The following LMAN2 variants were observed in gnomAD, a reference collection of about 807,000 sequenced individuals.
The protein encoded by LMAN2 is lectin, mannose binding 2.
LMAN2 carries 22 observed loss-of-function variants against 39.3 expected under a neutral mutation model. The ratio of observed to expected loss-of-function variants is 0.56; its 90% CI spans 0.40 to 0.80. LMAN2 has a LOEUF of 0.80. Among genes scored for constraint, LMAN2 ranks in the 30% least tolerant of loss-of-function variants. The pLI is 0.00. For missense variants in LMAN2, 494 were observed against 505.4 expected, an observed-to-expected ratio of 0.98 and a Z score of 0.22; for synonymous variants, 207 against 207.8, an observed-to-expected ratio of 1.00 and a Z score of 0.03.
At position 177,351,639 on chromosome 5, in the gene LMAN2, C is replaced by T. The variant is rs748397119; in HGVS notation, c.9G>A (p.Ala3=). The change falls in exon 1 of 8, where the codon GCG becomes GCA. Residue 3 remains alanine, a synonymous_variant. Coordinates refer to ENST00000303127, the MANE Select transcript of LMAN2 (RefSeq NM_006816.3). MA[A]EGWIWRWGWG... is the part of the protein sequence containing the mutation. ...AGCCCCAACGCCAAATCCAGCCTTC[C>T]GCCGCCATTCTCCTCTCCTCTCGGC... The T allele has an allele frequency of 6.3e-7, 1 of 1,591,258 alleles. No homozygotes were observed. The highest frequency in any genetic ancestry group is 8.5e-7 in the Non-Finnish European group (1 of 1,171,218).
intron 1 of LMAN2, 23 bp downstream of exon 1, chr5:177,351,429 C>A: frequency 1.9e-6 from 3 of 1,609,138 alleles, no homozygotes; most frequent in Non-Finnish European, 1.7e-6. Flanking sequence ...ACTCTTCACT[C>A]ATTCCCGCCC....
At chr5:177,333,601 G>A (rs892628199) in intron 7 of LMAN2, among the ~76,000 whole-genome samples, 2 of 152,238 alleles carry the variant, frequency 1.3e-5, no homozygotes, top group Non-Finnish European at 2.9e-5. Context: ...CCAGGGCTGG[G>A]CTACGACAGA....
intron 2 of LMAN2, among the ~76,000 whole-genome samples, chr5:177,342,258 C>T (rs183135094): frequency 8.5e-5 from 13 of 152,262 alleles, no homozygotes; most frequent in Admixed American, 7.2e-4. Context: ...GTAGTCCCAG[C>T]ACCTTGGGAG....
At chr5:177,347,484 T>C (rs2127319438) in intron 2 of LMAN2, among the ~76,000 whole-genome samples, 1 of 152,222 alleles carries the variant, frequency 6.6e-6, no homozygotes, top group Non-Finnish European at 1.5e-5. Context: ...CTCTGGAGGA[T>C]CTTAAGCAGG....
At chr5:177,339,238 C>A (rs1296711463) in intron 2 of LMAN2, among the ~76,000 whole-genome samples, 1 of 152,224 alleles carries the variant, frequency 6.6e-6, no homozygotes, top group Non-Finnish European at 1.5e-5. Flanking sequence ...TGGTCACCCA[C>A]ATCCACTGCC....
intron 7 of LMAN2, among the ~76,000 whole-genome samples, chr5:177,333,271 T>C (rs4976644): frequency 0.016 from 2,433 of 152,270 alleles, 72 homozygotes; most frequent in African/African-American, 0.055. Flanking sequence ...ATCTCGTGTC[T>C]CCAGCACCCA....
chr5:177,334,250 C>A, intron 7 of LMAN2, 34 bp downstream of exon 7: 1 of 1,592,484 alleles, frequency 6.3e-7, no homozygotes, highest in South Asian at 1.1e-5. Flanking sequence ...TCAGGCCGCC[C>A]AGGCCCAGGC....
rs375419472 is a variant in LMAN2, at chr5:177,332,289, C to T, written c.911-43G>A. ...GGGGAGCTGAAACGGCAGCACGGGC[C>T]GGGGATCAGGGGGCTGCAGGAGGGC... is the stretch of plus-strand genomic sequence containing the variant. On this transcript the variant is annotated intron_variant, in intron 7 of 7. Transcript: ENST00000303127. The surrounding 1 kb of genome is among the most constrained non-coding windows in gnomAD (Gnocchi z 6.3). 6.2e-5 allele frequency: 98 copies of T among 1,590,432 alleles called. No individual in the cohort carries two copies. The African/African-American group carries it at 1.1e-3, about 18-fold the overall frequency.
rs145658605 is a variant in LMAN2, at chr5:177,337,738, G to A, written c.481C>T (p.Leu161=). Residue 161 remains leucine, a synonymous_variant, in exon 4 of 8, where the codon CTG becomes TTG. Transcript: ENST00000303127. The surrounding 1 kb of genome is among the most constrained non-coding windows in gnomAD (Gnocchi z 8.2). ...KDNFHGLAIF[L]DTYPNDETTE... ...GTCTCATCATTGGGGTAGGTGTCCAGGAAGATGGCTAAGCCGTGGAAGTTA... is the reference window on the plus strand; with the variant it reads ...GTCTCATCATTGGGGTAGGTGTCCAAGAAGATGGCTAAGCCGTGGAAGTTA... The A allele has an allele frequency of 1.1e-4, 175 of 1,614,074 alleles. No individual in the cohort carries two copies. The African/African-American group carries it at 2.1e-3, about 19-fold the overall frequency.
intron 3 of LMAN2, among the ~76,000 whole-genome samples, chr5:177,338,281 G>C (rs1761504074): frequency 6.6e-6 from 1 of 152,198 alleles, no homozygotes; most frequent in Non-Finnish European, 1.5e-5. Flanking sequence ...GGACCCAGCT[G>C]CTCCTCTCCC....
chr5:177,343,043 A>G (rs528017855), intron 2 of LMAN2, among the ~76,000 whole-genome samples: 4 of 152,180 alleles, frequency 2.6e-5, no homozygotes, highest in African/African-American at 9.6e-5. Flanking sequence ...CACGAGGTCA[A>G]GAGATGGAGA....
At chr5:177,338,353 G>A (rs1761505287) in intron 3 of LMAN2, 135 bp downstream of exon 3, 1 of 687,642 alleles carries the variant, frequency 1.5e-6, no homozygotes, top group Non-Finnish European at 2.5e-6. Context: ...ATCCACGGGA[G>A]GCAGCACTTT....
At chr5:177,340,913 C>T (rs1761541901) in intron 2 of LMAN2, among the ~76,000 whole-genome samples, 1 of 151,596 alleles carries the variant, frequency 6.6e-6, no homozygotes, top group Admixed American at 6.6e-5. Flanking sequence ...CGCCACCACA[C>T]CCGGCTAATT....
Position 177,337,935 on chromosome 5 carries a change from G to A in LMAN2, c.434-150C>T. The A allele has an allele frequency of 2.9e-6, 2 of 679,980 alleles. No homozygotes were observed. The highest frequency in any genetic ancestry group is 5.1e-6 in the Non-Finnish European group (2 of 395,210). The allele number at this position is 679,980 out of a possible 1,614,324, so 42.1% of individuals were successfully genotyped here. On this transcript the variant is annotated intron_variant, in intron 3 of 7. Transcript: ENST00000303127. This position sits in a 1 kb window ranked among gnomAD's most constrained non-coding sequence, Gnocchi z 8.2. ...AGAGAAGGGATCGTGAAAGGAGAAAGCTGAGGCTTTCTCCTCAGAAGTGGG... is the reference window on the plus strand; with the variant it reads ...AGAGAAGGGATCGTGAAAGGAGAAAACTGAGGCTTTCTCCTCAGAAGTGGG...
chr5:177,336,073 C>G (rs1335353147), intron 6 of LMAN2, among the ~76,000 whole-genome samples: 2 of 152,184 alleles, frequency 1.3e-5, no homozygotes, highest in African/African-American at 4.8e-5. Context: ...AAATTAATTA[C>G]TCGGTAGACT....
At chr5:177,341,571 G>T (rs565391885) in intron 2 of LMAN2, among the ~76,000 whole-genome samples, 13 of 152,110 alleles carry the variant, frequency 8.5e-5, no homozygotes, top group African/African-American at 2.9e-4. Flanking sequence ...CAAGAATGAA[G>T]GTAAAATAAA....
intron 2 of LMAN2, among the ~76,000 whole-genome samples, chr5:177,347,741 A>G (rs1258330030): frequency 6.6e-6 from 1 of 152,184 alleles, no homozygotes; most frequent in East Asian, 1.9e-4. Flanking sequence ...AACATCATCA[A>G]AAATTTTGAT....
In LMAN2 at chr5:177,332,199, C is replaced by T. The variant is rs1477387249; in HGVS notation, c.958G>A (p.Gly320Arg). 6.2e-7 allele frequency: 1 copy of T among 1,613,358 alleles called. No individual in the cohort carries two copies. Among genetic ancestry groups the T allele is most frequent in the South Asian group, 1.1e-5 (1 of 91,070 alleles). Residue 320 changes from glycine (G) to arginine (R), a missense_variant, in exon 8 of 8, where the codon GGG becomes AGG. Gly to Arg is a moderately radical substitution (Grantham distance 125). Transcript: ENST00000303127. The surrounding 1 kb of genome is among the most constrained non-coding windows in gnomAD (Gnocchi z 6.3). ...AGCAGCAGCAGGAACACCCGCCACC[C>T]CGTCAGGGGCCCGCTGCGGAAGTTC... ...TGNFRSGPLT[G>R]WRVFLLLLCA...
rs1581602167 is a variant in LMAN2 at position 177,337,468 on chromosome 5, G to A, written c.570C>T (p.His190=). The change falls in exon 5 of 8, where the codon CAC becomes CAT. Residue 190 remains histidine (H), a synonymous_variant. Transcript: ENST00000303127. This position sits in a 1 kb window ranked among gnomAD's most constrained non-coding sequence, Gnocchi z 8.2. ...MVNNGSLSYD[H]SKDGRWTELA... is the part of the protein sequence containing the mutation. The stretch of plus-strand genomic sequence containing the variant: ...GCTCGGTCCAGCGCCCATCCTTGCT[G>A]TGGTCGTAGGACAGGGAGCCATTGT... 1.2e-6 allele frequency: 2 copies of A among 1,614,062 alleles called. No individual in the cohort carries two copies. The highest frequency in any genetic ancestry group is 1.1e-5 in the South Asian group (1 of 91,092).
Sources: allele counts gnomAD v4.1 joint callset (sites outside exome capture counted in the v4.1 genomes callset), GRCh38; gene constraint gnomAD v4.1.1; non-coding constraint Gnocchi (gnomAD v3.1); transcripts MANE v1.5; gene names NCBI Gene and HGNC (gene_info 2026-07-23, HGNC 2026-07-21).